The following DCTN2 variants were observed in gnomAD, a reference collection of about 807,000 sequenced individuals.
The protein encoded by DCTN2 is dynactin subunit 2.
DCTN2 carries 18 observed loss-of-function variants against 55.4 expected under a neutral mutation model. The ratio of observed to expected loss-of-function variants is 0.32; its 90% confidence interval spans 0.22 to 0.48. The LOEUF (loss-of-function observed/expected upper bound fraction) is 0.48, where lower values mean the gene tolerates loss of function less well. Among genes scored for constraint, DCTN2 ranks in the 20% least tolerant of loss-of-function variants. The probability of loss-of-function intolerance (pLI) is 0.99; values close to 1 mark genes in which losing one functional copy is unlikely to be tolerated. For synonymous variants in DCTN2, 168 were observed against 185.2 expected (o/e 0.91, Z 0.76); for missense variants, 390 against 491.0 (o/e 0.79, Z 1.94).
At position 57,534,570 on chromosome 12, in the gene DCTN2, G is replaced by C. The variant is rs1407016761; in HGVS notation, c.364-118C>G. 3 of 1,034,092 alleles carry C rather than the reference G, an allele frequency of 2.9e-6. No homozygotes were observed. The Admixed American group carries it at 7.7e-5, about 26-fold the overall frequency. 64.1% of individuals were successfully genotyped at this position (1,034,092 alleles called of 1,614,324 possible). The stretch of plus-strand genomic sequence containing the variant: ...AGGTCACTGGGATGGTTTTCAGCAT[G>C]ACAGACTGCCCACCTGTATGTAGCA... On this transcript the variant is annotated intron_variant, in intron 5 of 13. Transcript: ENST00000548249.
At chr12:57,531,605 G>A (rs1879719419) in intron 13 of DCTN2, among the ~76,000 whole-genome samples, 1 of 152,162 alleles carries the variant, frequency 6.6e-6, no homozygotes, top group African/African-American at 2.4e-5. Flanking sequence ...TCATTGTCCA[G>A]GGCCAGAAAG....
chr12:57,544,974 G>A (rs1015459584), intron 2 of DCTN2, among the ~76,000 whole-genome samples: 1 of 152,194 alleles, frequency 6.6e-6, no homozygotes, highest in African/African-American at 2.4e-5. Flanking sequence ...CAGAGAAGGT[G>A]TTTCCCACAA....
chr12:57,542,017 G>T (rs956489050), intron 2 of DCTN2, among the ~76,000 whole-genome samples: 1 of 152,224 alleles, frequency 6.6e-6, no homozygotes, highest in African/African-American at 2.4e-5. Context: ...GCTCATGCTT[G>T]TAATCCCAGC....
chr12:57,545,900 A>T, intron 2 of DCTN2, 128 bp downstream of exon 2: 4 of 878,472 alleles, frequency 4.6e-6, no homozygotes, highest in Non-Finnish European at 7.1e-6. Flanking sequence ...AAGCCCTGCA[A>T]CCTATATACC....
At position 57,533,032 on chromosome 12, in the gene DCTN2, A is replaced by G; in HGVS notation, c.736-10T>C. 6.3e-7 allele frequency: 1 copy of G among 1,595,282 alleles called. No individual in the cohort carries two copies. Among genetic ancestry groups the G allele is most frequent in the Non-Finnish European group, 8.5e-7 (1 of 1,172,074 alleles). On this transcript the variant is annotated splice_polypyrimidine_tract_variant and intron_variant, in intron 8 of 13. Coordinates refer to ENST00000548249, the MANE Select transcript of DCTN2 (RefSeq NM_001261413.2). ...CTGCAGAAAGGGGATTCTGGTGGGA[A>G]AGGAAGGGAAGAAGTGAGTGGTCCT...
At position 57,530,664 on chromosome 12, in the gene DCTN2, CCT is replaced by C. The variant is rs770869826; in HGVS notation, c.*23_*24del. ...AGAGTTCACAGGGGTAGGGATAACC[CCT>C]GTTCTCCAGCTCCCAAATGTGCTCA... On this transcript the variant is annotated 3_prime_UTR_variant, in exon 14 of 14. Coordinates refer to ENST00000548249, the MANE Select transcript of DCTN2 (RefSeq NM_001261413.2). The C allele has an allele frequency of 1.6e-5, 25 of 1,595,804 alleles. No individual in the cohort carries two copies. The Admixed American group carries it at 1.8e-4, about 12-fold the overall frequency.
chr12:57,533,373 G>A, intron 7 of DCTN2, 70 bp from the exon 8 acceptor site: 1 of 1,386,594 alleles, frequency 7.2e-7, no homozygotes, highest in Admixed American at 1.7e-5. Flanking sequence ...ATACGATCCT[G>A]CTCTACTCTG....
At chr12:57,531,569 A>G (rs1879715441) in intron 13 of DCTN2, among the ~76,000 whole-genome samples, 1 of 152,150 alleles carries the variant, frequency 6.6e-6, no homozygotes, top group African/African-American at 2.4e-5. Flanking sequence ...AGGCATTACT[A>G]AAAGAATGAA....
At chr12:57,540,199 TTC>T in intron 2 of DCTN2, 1 of 901,194 alleles carries the variant, frequency 1.1e-6, no homozygotes, top group Non-Finnish European at 1.3e-6. Context: ...CACTATACCT[TTC>T]TCTGATTTGT....
chr12:57,536,225 C>T (rs986437674), intron 2 of DCTN2: 1 of 220,064 alleles, frequency 4.5e-6, no homozygotes, highest in Non-Finnish European at 9.1e-6. Context: ...GTAAATCTTG[C>T]CCGCTGAGCA....
At chr12:57,539,607 TG>T (rs1008415330) in intron 2 of DCTN2, among the ~76,000 whole-genome samples, 7 of 152,204 alleles carry the variant, frequency 4.6e-5, no homozygotes, top group African/African-American at 1.7e-4. Context: ...TGGTTGAGGA[TG>T]GTTGTATGCA....
At position 57,530,664 on chromosome 12, in the gene DCTN2, C is replaced by T; in HGVS notation, c.*25G>A. 2 of 1,595,922 alleles carry T rather than the reference C, an allele frequency of 1.3e-6. No homozygotes were observed. Among genetic ancestry groups the T allele is most frequent in the Non-Finnish European group, 1.7e-6 (2 of 1,164,280 alleles). ...AGAGTTCACAGGGGTAGGGATAACC[C>T]CTGTTCTCCAGCTCCCAAATGTGCT... On this transcript the variant is annotated 3_prime_UTR_variant, in exon 14 of 14. Coordinates refer to ENST00000548249, the MANE Select transcript of DCTN2 (RefSeq NM_001261413.2).
chr12:57,546,688 G>C (rs1170152172), intron 1 of DCTN2, among the ~76,000 whole-genome samples: 3 of 152,276 alleles, frequency 2.0e-5, no homozygotes, highest in South Asian at 2.1e-4. Context: ...TGTGTGTCTG[G>C]GGTAGCGATG....
intron 11 of DCTN2, 40 bp from the exon 12 acceptor site, chr12:57,532,355 C>T: frequency 6.6e-7 from 1 of 1,515,356 alleles, no homozygotes; most frequent in Non-Finnish European, 9.0e-7. Flanking sequence ...ATGGCTGAGG[C>T]AGCCAGGTCA....
rs963212152 is a variant in DCTN2, at chr12:57,540,138, G to A, written c.106-4293C>T. ...GGCTGGGATGTCTCTGCATAGAGTGGGTGTAAGCACCCATAAGTGCAAACA... is the reference window on the plus strand; with the variant it reads ...GGCTGGGATGTCTCTGCATAGAGTGAGTGTAAGCACCCATAAGTGCAAACA... On this transcript the variant is annotated intron_variant, in intron 2 of 13. Transcript: ENST00000548249. 6.1e-6 allele frequency: 6 copies of A among 984,928 alleles called. No homozygotes were observed. The African/African-American group carries it at 1.0e-4, about 17-fold the overall frequency. 61.0% of individuals were successfully genotyped at this position (984,928 alleles called of 1,614,324 possible). A position where few individuals can be genotyped will look rare whatever the true frequency, so the allele number is the denominator to read the frequency against.
chr12:57,546,049 A>T lies in DCTN2; in HGVS notation c.84T>A (p.Asp28Glu). 6.2e-7 allele frequency: 1 copy of T among 1,613,834 alleles called. No individual in the cohort carries two copies. The highest frequency in any genetic ancestry group is 8.5e-7 in the Non-Finnish European group (1 of 1,179,862). Reference protein sequence around the residue: ...DVYETSDLPEDDQAEFDAEEL... With the variant: ...DVYETSDLPEEDQAEFDAEEL... ...TTACCGCATCGAACTCCGCTTGATCATCCTCAGGTAGGTCGCTAGTTTCAT... is the reference window on the plus strand; with the variant it reads ...TTACCGCATCGAACTCCGCTTGATCTTCCTCAGGTAGGTCGCTAGTTTCAT... The change falls in exon 2 of 14, where the codon GAT (aspartate) becomes GAA (glutamate). Residue 28 changes from aspartate (D) to glutamate (E), a missense_variant. Physicochemically the swap from Asp to Glu is conservative, Grantham distance 45. This residue lies in a region of DCTN2 where 117 missense variants were observed against 187.8 expected (regional missense o/e 0.62). Coordinates refer to ENST00000548249, the MANE Select transcript of DCTN2 (RefSeq NM_001261413.2).
At chr12:57,544,298 C>T (rs775238) in intron 2 of DCTN2, among the ~76,000 whole-genome samples, 1,710 of 152,250 alleles carry the variant, frequency 0.011, 15 homozygotes, top group Non-Finnish European at 0.014. Flanking sequence ...CCTACCTACA[C>T]CCTCCTGTAT....
At chr12:57,543,079 G>C in intron 2 of DCTN2, 1 of 452,434 alleles carries the variant, frequency 2.2e-6, no homozygotes, top group South Asian at 1.6e-5. Context: ...GCTGGGCATG[G>C]TGGCTCACGT....
Position 57,535,827 on chromosome 12 carries a change from T to A in DCTN2, c.124A>T (p.Ser42Cys). 1.2e-6 allele frequency: 2 copies of A among 1,613,662 alleles called. No individual in the cohort carries two copies. Among genetic ancestry groups the A allele is most frequent in the Non-Finnish European group, 1.7e-6 (2 of 1,179,722 alleles). The change falls in exon 3 of 14, where the codon AGT becomes TGT. Residue 42 changes from serine (S) to cysteine (C), a missense_variant. Transcript: ENST00000548249. ...GGATTGACAATGATGTGTTCCACAC[T>A]TGTGCTTGTCAGCTCCTCCTGCAAG... is the stretch of plus-strand genomic sequence containing the variant. The part of the protein sequence containing the change: ...EFDAEELTST[S>C]VEHIIVNPNA...
Sources: allele counts gnomAD v4.1 joint callset (sites outside exome capture counted in the v4.1 genomes callset), GRCh38; gene constraint gnomAD v4.1.1; regional missense constraint gnomAD v4.1.1; transcripts MANE v1.5; gene names NCBI Gene and HGNC (gene_info 2026-07-23, HGNC 2026-07-21).